The following TUSC3 variants were observed in gnomAD, a reference collection of about 807,000 sequenced individuals.
TUSC3 encodes the protein dolichyl-diphosphooligosaccharide--protein glycosyltransferase subunit TUSC3.
In TUSC3, 45 loss-of-function variants were observed where a neutral mutation model predicts 44.8. The ratio of observed to expected loss-of-function variants is 1.00; its 90% CI spans 0.79 to 1.29. The LOEUF (loss-of-function observed/expected upper bound fraction) is 1.29, where lower values mean the gene tolerates loss of function less well. Ranked by LOEUF, TUSC3 falls within the 50% of genes most tolerant of loss-of-function variation. The probability of loss-of-function intolerance (pLI) is 0.00; values close to 1 mark genes in which losing one functional copy is unlikely to be tolerated. For synonymous variants in TUSC3, 212 were observed against 152.9 expected (o/e 1.39, Z -2.85); for missense variants, 519 against 437.9 (o/e 1.19, Z -1.65).
chr8:15,792,500 A>G, the TUSC3 span, among the ~76,000 whole-genome samples: 123,232 of 152,172 alleles, frequency 0.81, 50,800 homozygotes, highest in East Asian at 0.92. Flanking sequence ...CATAATGAGA[A>G]GTCTCATATG....
At chr8:15,612,407 A>C (rs1474922910) in intron 1 of TUSC3, among the ~76,000 whole-genome samples, 1 of 152,180 alleles carries the variant, frequency 6.6e-6, no homozygotes, top group South Asian at 2.1e-4. Flanking sequence ...TTTAAGCTTC[A>C]CTTTGGAATG....
At chr8:15,563,247 T>C (rs947111905) in intron 1 of TUSC3, among the ~76,000 whole-genome samples, 1 of 152,076 alleles carries the variant, frequency 6.6e-6, no homozygotes, top group Non-Finnish European at 1.5e-5. Context: ...CAGTCAGGGT[T>C]CAGTCACAGA....
chr8:15,625,843 A>G (rs1282730119), intron 2 of TUSC3, among the ~76,000 whole-genome samples: 1 of 152,236 alleles, frequency 6.6e-6, no homozygotes, highest in Non-Finnish European at 1.5e-5. Flanking sequence ...ATGGTGAGCA[A>G]AATATTTTGA....
chr8:15,570,265 T>C (rs1264008467), intron 1 of TUSC3, among the ~76,000 whole-genome samples: 1 of 148,060 alleles, frequency 6.8e-6, no homozygotes, highest in African/African-American at 2.5e-5. Flanking sequence ...TAATGTATTT[T>C]ACACACACAC....
intron 1 of TUSC3, among the ~76,000 whole-genome samples, chr8:15,478,787 G>T (rs1373043300): frequency 6.6e-6 from 1 of 152,084 alleles, no homozygotes; most frequent in Non-Finnish European, 1.5e-5. Context: ...ACTCCTTTGG[G>T]TATATACCTA....
At chr8:15,724,824 A>G (rs770159760) in intron 6 of TUSC3, among the ~76,000 whole-genome samples, 1 of 152,218 alleles carries the variant, frequency 6.6e-6, no homozygotes, top group Non-Finnish European at 1.5e-5. Flanking sequence ...TGATTTGCAT[A>G]AAACTGCATG....
At chr8:15,734,973 A>G (rs1031343160) in intron 7 of TUSC3, among the ~76,000 whole-genome samples, 4 of 152,316 alleles carry the variant, frequency 2.6e-5, no homozygotes, top group East Asian at 1.9e-4. Flanking sequence ...ATGCAGTGCA[A>G]TTAATATGCC....
chr8:15,603,600 TATG>T (rs1239431387), intron 1 of TUSC3, among the ~76,000 whole-genome samples: 5 of 151,602 alleles, frequency 3.3e-5, no homozygotes, highest in African/African-American at 1.2e-4. Flanking sequence ...AATATAAAAA[TATG>T]ATATGGTAAT....
At chr8:15,733,528 G>T in intron 7 of TUSC3, 1 of 251,542 alleles carries the variant, frequency 4.0e-6, no homozygotes, top group Non-Finnish European at 8.0e-6. Flanking sequence ...TTAATTTCAT[G>T]GATCATTGAC....
the TUSC3 span, among the ~76,000 whole-genome samples, chr8:15,775,459 C>T: frequency 1.3e-5 from 2 of 151,858 alleles, no homozygotes; most frequent in African/African-American, 4.8e-5. Context: ...TTTATGCTAC[C>T]TGCATTTTAT....
intron 6 of TUSC3, among the ~76,000 whole-genome samples, chr8:15,717,478 C>T (rs1810100834): frequency 6.6e-6 from 1 of 152,040 alleles, no homozygotes; most frequent in South Asian, 2.1e-4. Context: ...TATCTATCTC[C>T]AGACTCCTTC....
At chr8:15,802,827 G>T in the TUSC3 span, among the ~76,000 whole-genome samples, 2 of 151,804 alleles carry the variant, frequency 1.3e-5, no homozygotes, top group Non-Finnish European at 1.5e-5. Context: ...TACCCAGAAC[G>T]TGGCTAAATG....
chr8:15,676,543 G>T (rs927434921), intron 6 of TUSC3, among the ~76,000 whole-genome samples: 4 of 151,998 alleles, frequency 2.6e-5, no homozygotes, highest in African/African-American at 9.7e-5. Context: ...TAAATGCTTT[G>T]CCAAGGCCAG....
chr8:15,833,160 T>C, the TUSC3 span, among the ~76,000 whole-genome samples: 85,654 of 152,024 alleles, frequency 0.56, 26,698 homozygotes, highest in Non-Finnish European at 0.72. Flanking sequence ...CACAATGAGA[T>C]ACTATCTCAC....
chr8:15,520,226 C>A (rs952404679), intron 2 of TUSC3, among the ~76,000 whole-genome samples: 1 of 152,186 alleles, frequency 6.6e-6, no homozygotes, highest in Non-Finnish European at 1.5e-5. Context: ...GAGACATGGT[C>A]TCTGTCAATA....
chr8:15,730,566 A>G (rs1400397766), intron 6 of TUSC3, 100 bp from the exon 7 acceptor site: 1 of 1,163,742 alleles, frequency 8.6e-7, no homozygotes. Flanking sequence ...ATTAGTAAAA[A>G]TCGAATTAGA....
At chr8:15,554,384 C>G (rs1162257140) in intron 1 of TUSC3, among the ~76,000 whole-genome samples, 4 of 151,512 alleles carry the variant, frequency 2.6e-5, no homozygotes, top group African/African-American at 9.7e-5. Context: ...ATTCTTTTTT[C>G]CTGTCTTGTG....
intron 1 of TUSC3, among the ~76,000 whole-genome samples, chr8:15,547,633 T>C (rs1801918791): frequency 6.8e-6 from 1 of 147,456 alleles, no homozygotes; most frequent in Non-Finnish European, 1.5e-5. Context: ...AATTTATAGG[T>C]TGAAATCCTA....
At chr8:15,653,334 A>C (rs1301130039) in intron 3 of TUSC3, among the ~76,000 whole-genome samples, 3 of 152,190 alleles carry the variant, frequency 2.0e-5, no homozygotes, top group Non-Finnish European at 4.4e-5. Flanking sequence ...TTTTTATATG[A>C]AATTTCTCTC....
Sources: gnomAD v4.1 joint callset for allele counts (sites outside exome capture counted in the v4.1 genomes callset) on GRCh38, gnomAD v4.1.1 for gene constraint, MANE v1.5 for transcripts, NCBI Gene and HGNC (gene_info 2026-07-23, HGNC 2026-07-21) for gene names.